PUDP: variants seen among roughly 807,000 people sequenced by gnomAD.
The protein encoded by PUDP is pseudouridine 5'-phosphatase, also known as pseudouridine-5'-phosphatase.
In PUDP, 8 loss-of-function variants were observed where a neutral mutation model predicts 9.4. The ratio of observed to expected loss-of-function variants is 0.85; its 90% CI spans 0.50 to 1.53. The LOEUF is 1.53. Among genes scored for constraint, PUDP ranks in the 40% most tolerant of loss-of-function variants. The pLI is 0.00. For synonymous variants in PUDP, 99 were observed against 80.7 expected (o/e 1.23, Z -1.22); for missense variants, 188 against 189.7 (o/e 0.99, Z 0.05).
chrX:6,923,904 C>T, intron 3 of PUDP, among the ~76,000 whole-genome samples: 1 of 111,346 alleles, frequency 9.0e-6, no homozygotes, highest in Non-Finnish European at 1.9e-5. Flanking sequence ...GCTACCCACA[C>T]ACTCCCCTTT....
chrX:7,041,446 T>C (rs968429542), intron 1 of PUDP, among the ~76,000 whole-genome samples: 2 of 112,043 alleles, frequency 1.8e-5, no homozygotes, highest in Non-Finnish European at 3.8e-5. Flanking sequence ...TAGCCTGCTC[T>C]CCTCTTACTG....
intron 1 of PUDP, among the ~76,000 whole-genome samples, chrX:7,016,176 A>T (rs910920523): frequency 4.7e-5 from 5 of 105,833 alleles, no homozygotes; most frequent in South Asian, 4.3e-4. Context: ...GCAAAAAATT[A>T]AAAAAAAAAT....
intron 3 of PUDP, among the ~76,000 whole-genome samples, chrX:6,870,013 G>A (rs72609569): frequency 0.093 from 10,220 of 110,188 alleles, 609 homozygotes; most frequent in East Asian, 0.46. Context: ...CAACCGAAGC[G>A]TTCATCAATG....
chrX:7,086,696 T>C (rs1271409295), intron 2 of PUDP, among the ~76,000 whole-genome samples: 2 of 112,334 alleles, frequency 1.8e-5, no homozygotes, highest in African/African-American at 6.5e-5. Context: ...GAAAAGGTGC[T>C]TGCTGCTAGG....
intron 1 of PUDP, among the ~76,000 whole-genome samples, chrX:7,124,884 C>T (rs1174928326): frequency 9.1e-6 from 1 of 109,567 alleles, no homozygotes; most frequent in Non-Finnish European, 1.9e-5. Context: ...GGAGGCGGAG[C>T]TTGCAGTGAG....
intron 1 of PUDP, chrX:6,706,587 T>TGGGTG (rs1371676247): frequency 1.8e-5 from 2 of 112,112 alleles, no homozygotes; most frequent in Non-Finnish European, 3.8e-5. Flanking sequence ...TCTTAAAGGA[T>TGGGTG]GGGTGGAATT....
At chrX:6,992,303 C>T (rs1478359711) in intron 1 of PUDP, among the ~76,000 whole-genome samples, 1 of 70,410 alleles carries the variant, frequency 1.4e-5, no homozygotes, top group Non-Finnish European at 2.8e-5. Context: ...GACGGAGTCT[C>T]GCTCTGTCGC....
chrX:7,088,509 G>A (rs1931330568), intron 2 of PUDP, among the ~76,000 whole-genome samples: 1 of 112,102 alleles, frequency 8.9e-6, no homozygotes, highest in Admixed American at 9.5e-5. Flanking sequence ...ATATTTCCCT[G>A]TGCTGTAGAT....
chrX:7,110,100 C>T lies in PUDP; in HGVS notation c.62-4262G>A, dbSNP rs749168317. On this transcript the variant is annotated intron_variant, in intron 1 of 3. Transcript: ENST00000381077. Reference sequence around the variant, plus strand: ...AAGCTCTGAAGAAGCTACAGGGTGCCCCAGGCTGGGGCCCAAAGACTGGCG... The same window carrying T: ...AAGCTCTGAAGAAGCTACAGGGTGCTCCAGGCTGGGGCCCAAAGACTGGCG... 3.0e-3 allele frequency among the ~76,000 whole-genome samples: 333 copies of T among 111,830 alleles called. 1 individual carries two copies. The highest frequency in any genetic ancestry group is 0.011 in the African/African-American group (328 of 30,767).
At chrX:7,043,331 G>C (rs1929947197) in intron 1 of PUDP, among the ~76,000 whole-genome samples, 1 of 110,256 alleles carries the variant, frequency 9.1e-6, no homozygotes, top group Non-Finnish European at 1.9e-5. Context: ...AATCCTACAA[G>C]AGCTGATTGT....
At chrX:6,714,509 AGAT>A (rs1465832283) in intron 1 of PUDP, among the ~76,000 whole-genome samples, 2 of 111,580 alleles carry the variant, frequency 1.8e-5, no homozygotes, top group Non-Finnish European at 1.9e-5. Flanking sequence ...TAGATATGAT[AGAT>A]GATGATAGAT....
At chrX:7,018,730 G>A (rs1397519929) in intron 1 of PUDP, among the ~76,000 whole-genome samples, 8 of 111,902 alleles carry the variant, frequency 7.1e-5, no homozygotes, top group Non-Finnish European at 1.3e-4. Context: ...TTTCCAAGAA[G>A]GGTGTTGTAT....
chrX:6,836,771 T>C (rs1926589197), intron 3 of PUDP, among the ~76,000 whole-genome samples: 2 of 112,083 alleles, frequency 1.8e-5, no homozygotes, highest in Non-Finnish European at 3.8e-5. Context: ...TAAGAAAACA[T>C]TCATAAGTTC....
At chrX:7,095,498 G>A (rs958986938) in intron 2 of PUDP, among the ~76,000 whole-genome samples, 1 of 112,189 alleles carries the variant, frequency 8.9e-6, no homozygotes, top group East Asian at 2.8e-4. Flanking sequence ...TGTGTTCTGG[G>A]GTTCCTAGGC....
intron 3 of PUDP, among the ~76,000 whole-genome samples, chrX:6,763,225 C>G (rs1409012406): frequency 8.9e-6 from 1 of 111,736 alleles, no homozygotes. Flanking sequence ...TCCGTCTCCA[C>G]TAAAATTACA....
At chrX:7,013,715 T>A (rs1929509322) in intron 1 of PUDP, among the ~76,000 whole-genome samples, 1 of 111,968 alleles carries the variant, frequency 8.9e-6, no homozygotes, top group South Asian at 3.8e-4. Flanking sequence ...AGCACACAGA[T>A]GGGCAGGTGC....
At chrX:6,899,246 T>C (rs1927637069) in intron 3 of PUDP, among the ~76,000 whole-genome samples, 1 of 112,671 alleles carries the variant, frequency 8.9e-6, no homozygotes, top group Admixed American at 9.4e-5. Flanking sequence ...CAAGTCTTTG[T>C]TTTCCTGTCT....
At chrX:7,034,447 A>G (rs1034440832) in intron 1 of PUDP, among the ~76,000 whole-genome samples, 1 of 111,872 alleles carries the variant, frequency 8.9e-6, no homozygotes, top group Non-Finnish European at 1.9e-5. Flanking sequence ...TCTTTCTAGG[A>G]AAGGTATTTA....
chrX:6,822,536 T>C (rs1003085711), intron 3 of PUDP, among the ~76,000 whole-genome samples: 62 of 111,788 alleles, frequency 5.5e-4, no homozygotes, highest in African/African-American at 1.9e-3. Context: ...AAGCTATTCT[T>C]CTGCCTCAGC....
Sources: allele counts gnomAD v4.1 joint callset (sites outside exome capture counted in the v4.1 genomes callset), GRCh38; gene constraint gnomAD v4.1.1; transcripts MANE v1.5; gene names NCBI Gene and HGNC (gene_info 2026-07-23, HGNC 2026-07-21).